The following SMAD9 variants were observed in gnomAD, a reference collection of about 807,000 sequenced individuals.
SMAD9 encodes SMAD family member 9, also known as MAD homolog 9.
Under a neutral mutation model 46.1 loss-of-function variants are expected in SMAD9, and 36 were observed. The observed-to-expected ratio is 0.78, with a 90% confidence interval of 0.60 to 1.03. The LOEUF (loss-of-function observed/expected upper bound fraction) is 1.03, where lower values mean the gene tolerates loss of function less well. SMAD9 is among the 50% of genes least tolerant of loss of function. The pLI is 0.00. For missense variants in SMAD9, 572 were observed against 599.8 expected (o/e 0.95, Z 0.48); for synonymous variants, 245 against 237.1 (o/e 1.03, Z -0.31).
At position 36,853,487 on chromosome 13, in the gene SMAD9, C is replaced by A. The variant is rs1490771687; in HGVS notation, c.1192G>T (p.Val398Phe). The A allele has an allele frequency of 1.2e-6, 2 of 1,614,134 alleles. No individual in the cohort carries two copies. The highest frequency in any genetic ancestry group is 8.5e-7 in the Non-Finnish European group (1 of 1,180,032). The change falls in exon 6 of 7, where the codon GTT (valine) becomes TTT (phenylalanine). Residue 398 changes from valine to phenylalanine, a missense_variant. Val to Phe is a conservative substitution (Grantham distance 50, BLOSUM62 -1). Transcript: ENST00000379826. ...QLFAQLLAQS[V>F]HHGFEVVYEL... ...TACACGACTTCAAAGCCGTGGTGAACTGACTGGGCCAGGAGCTGAGCGAAG... is the reference window on the plus strand; with the variant it reads ...TACACGACTTCAAAGCCGTGGTGAAATGACTGGGCCAGGAGCTGAGCGAAG...
At position 36,872,761 on chromosome 13, in the gene SMAD9, G is replaced by C. The variant is rs2138436681; in HGVS notation, c.567C>G (p.Leu189=). 1.2e-6 allele frequency: 2 copies of C among 1,614,080 alleles called. No homozygotes were observed. Among genetic ancestry groups the C allele is most frequent in the Non-Finnish European group, 1.7e-6 (2 of 1,180,016 alleles). Residue 189 remains leucine (L), a synonymous_variant, in exon 3 of 7, where the codon CTC becomes CTG. Transcript: ENST00000379826. ...DSFQQPPCSA[L]PPSPSHAFSQ... The stretch of plus-strand genomic sequence containing the variant: ...AGAACGCGTGGCTGGGTGAGGGAGG[G>C]AGTGCAGAGCACGGAGGCTGCTGGA...
At chr13:36,900,003 C>G (rs2058560778) in intron 1 of SMAD9, among the ~76,000 whole-genome samples, 1 of 152,174 alleles carries the variant, frequency 6.6e-6, no homozygotes, top group Non-Finnish European at 1.5e-5. Flanking sequence ...AGGTCCTACA[C>G]CACTACTTCT....
chr13:36,882,814 T>C (rs2058415308), intron 1 of SMAD9, among the ~76,000 whole-genome samples: 1 of 152,156 alleles, frequency 6.6e-6, no homozygotes. Context: ...AAAAAATGAA[T>C]CATGCCAGGT....
At chr13:36,884,505 A>T (rs1235289527) in intron 1 of SMAD9, among the ~76,000 whole-genome samples, 3 of 152,196 alleles carry the variant, frequency 2.0e-5, no homozygotes, top group African/African-American at 7.2e-5. Context: ...CTGAGTAAGA[A>T]AACAACTTCT....
chr13:36,919,509 G>A (rs919293547), intron 1 of SMAD9, among the ~76,000 whole-genome samples: 1 of 152,122 alleles, frequency 6.6e-6, no homozygotes, highest in Non-Finnish European at 1.5e-5. Context: ...AAAAGCCTAC[G>A]AAACAGAAGG....
upstream of SMAD9, chr13:36,920,630 C>T (rs1432004721): frequency 6.6e-6 from 1 of 152,368 alleles, no homozygotes; most frequent in East Asian, 1.9e-4. Context: ...TCTCTCCCAC[C>T]CCACCTCTGA....
chr13:36,858,363 G>A (rs1272170318), intron 5 of SMAD9, among the ~76,000 whole-genome samples: 1 of 152,200 alleles, frequency 6.6e-6, no homozygotes, highest in Admixed American at 6.5e-5. Context: ...TCAGAGCTTT[G>A]TGTAATTATT....
chr13:36,877,372 A>G (rs542720275), intron 2 of SMAD9, among the ~76,000 whole-genome samples: 7 of 152,304 alleles, frequency 4.6e-5, no homozygotes, highest in African/African-American at 1.7e-4. Context: ...AAAGACATGA[A>G]AAACTAAAAT....
intron 1 of SMAD9, among the ~76,000 whole-genome samples, chr13:36,900,724 C>CACACACACAT (rs1456400470): frequency 6.2e-5 from 8 of 129,256 alleles, no homozygotes; most frequent in Non-Finnish European, 9.9e-5. Flanking sequence ...CACACACACA[C>CACACACACAT]ACATAAATGT....
intron 1 of SMAD9, among the ~76,000 whole-genome samples, chr13:36,889,053 A>G (rs950989162): frequency 2.6e-5 from 4 of 152,192 alleles, no homozygotes; most frequent in African/African-American, 9.6e-5. Context: ...GGACTGCAGA[A>G]GAGTGGGAAA....
intron 1 of SMAD9, among the ~76,000 whole-genome samples, chr13:36,902,102 T>C (rs1482924874): frequency 1.3e-5 from 2 of 152,204 alleles, no homozygotes; most frequent in Non-Finnish European, 2.9e-5. Flanking sequence ...TTCTAAAAGT[T>C]TATGGTTTTA....
chr13:36,898,002 G>A lies in SMAD9; in HGVS notation c.-186-18127C>T, dbSNP rs374274082. Among the ~76,000 whole-genome samples, 7 of 151,528 alleles carry A rather than the reference G, an allele frequency of 4.6e-5. 1 individual carries two copies. Among genetic ancestry groups the A allele is most frequent in the Admixed American group, 3.3e-4 (5 of 15,196 alleles). On this transcript the variant is annotated intron_variant, in intron 1 of 6. Transcript: ENST00000379826. The stretch of plus-strand genomic sequence containing the variant: ...CTCCCGAGTAGCTAGGACTACAGGC[G>A]CCCGCCACCACACCCAGCTAATTTT...
At chr13:36,879,198 T>C in intron 2 of SMAD9, 80 bp downstream of exon 2, 1 of 1,224,626 alleles carries the variant, frequency 8.2e-7, no homozygotes. Context: ...CCCTGTCTGC[T>C]GGTGCCCCAT....
intron 1 of SMAD9, among the ~76,000 whole-genome samples, chr13:36,898,182 G>C (rs901135425): frequency 7.9e-5 from 12 of 152,004 alleles, no homozygotes; most frequent in Admixed American, 7.2e-4. Context: ...CTTAATAAGG[G>C]TGTGGGTTAC....
Position 36,879,620 on chromosome 13 carries a change from A to G in SMAD9, c.70T>C (p.Trp24Arg). Residue 24 changes from tryptophan to arginine, a missense_variant, in exon 2 of 7, where the codon TGG (tryptophan) becomes CGG (arginine). Coordinates refer to ENST00000379826, the MANE Select transcript of SMAD9 (RefSeq NM_001127217.3). ...TTTTCCTCTTCATCTCCTTGCTTCC[A>G]GCCTAGCAGTCTCTTCACTGCGGGG... ...TSPAVKRLLG[W>R]KQGDEEEKWA... 6.2e-7 allele frequency: 1 copy of G among 1,614,136 alleles called. No individual in the cohort carries two copies. The highest frequency in any genetic ancestry group is 8.5e-7 in the Non-Finnish European group (1 of 1,180,014).
intron 1 of SMAD9, among the ~76,000 whole-genome samples, chr13:36,910,270 A>G (rs989955282): frequency 2.0e-5 from 3 of 152,230 alleles, no homozygotes; most frequent in African/African-American, 7.2e-5. Flanking sequence ...ATCCTCAAAT[A>G]CACTATGTTC....
At position 36,847,227 on chromosome 13, in the gene SMAD9, AGAGTT is replaced by A. The variant is rs1477485375; in HGVS notation, c.*1444_*1448del. 1 of 152,218 alleles carries A rather than the reference AGAGTT, an allele frequency of 6.6e-6. No homozygotes were observed. Among genetic ancestry groups the A allele is most frequent in the Non-Finnish European group, 1.5e-5 (1 of 68,036 alleles). 9.4% of individuals were successfully genotyped at this position (152,218 alleles called of 1,614,324 possible). ...ACTACCATGTGCACTAATGCTAGAA[AGAGTT>A]GAGATAAAATGTATAAATGAAGAAA... On this transcript the variant is annotated 3_prime_UTR_variant, in exon 7 of 7. Transcript: ENST00000379826.
intron 5 of SMAD9, among the ~76,000 whole-genome samples, chr13:36,859,748 G>C (rs1289620365): frequency 6.6e-6 from 1 of 152,128 alleles, no homozygotes; most frequent in East Asian, 1.9e-4. Context: ...ATTGCCGGAG[G>C]TCGGGAGTTT....
At chr13:36,859,475 A>G (rs1307608675) in intron 5 of SMAD9, among the ~76,000 whole-genome samples, 1 of 152,236 alleles carries the variant, frequency 6.6e-6, no homozygotes. Flanking sequence ...CTGATGAAAC[A>G]GGCTGCAATA....
Sources: allele counts gnomAD v4.1 joint callset (sites outside exome capture counted in the v4.1 genomes callset), GRCh38; gene constraint gnomAD v4.1.1; transcripts MANE v1.5; gene names NCBI Gene and HGNC (gene_info 2026-07-23, HGNC 2026-07-21).